The following CA6 variants were observed in gnomAD, a reference collection of about 807,000 sequenced individuals.
The protein encoded by CA6 is carbonate dehydratase VI.
CA6 carries 28 observed loss-of-function variants against 35.9 expected under a neutral mutation model. That is an observed-to-expected ratio of 0.78 (90% CI 0.58 to 1.07). The LOEUF is 1.07. Among genes scored for constraint, CA6 ranks in the 50% least tolerant of loss-of-function variants. The probability of loss-of-function intolerance (pLI) is 0.00; values close to 1 mark genes in which losing one functional copy is unlikely to be tolerated. For missense variants in CA6, 377 were observed against 382.0 expected, an observed-to-expected ratio of 0.99 and a Z score of 0.11; for synonymous variants, 148 against 152.6, an observed-to-expected ratio of 0.97 and a Z score of 0.22.
rs188245033 is a variant in CA6, at chr1:8,971,425, C to T, written c.844+444C>T. 6.9e-3 allele frequency among the ~76,000 whole-genome samples: 1,051 copies of T among 151,430 alleles called. 10 individuals are homozygous for T. The highest frequency in any genetic ancestry group is 0.025 in the African/African-American group (1,032 of 41,260). On this transcript the variant is annotated intron_variant, in intron 7 of 7. Transcript: ENST00000377443. The stretch of plus-strand genomic sequence containing the variant: ...TTCCCGGGTTCAAGCAATTCTCCTG[C>T]CTCAACCTCCCCAGTAGCTGGGACT...
At chr1:8,958,858 G>A (rs1295515814) in intron 3 of CA6, 52 bp from the exon 4 acceptor site, 12 of 962,594 alleles carry the variant, frequency 1.2e-5, no homozygotes, top group Non-Finnish European at 1.5e-5. Context: ...GAAATCTTAA[G>A]CATTTGAATT....
chr1:8,973,379 A>C (rs968145161), intron 7 of CA6, among the ~76,000 whole-genome samples: 1 of 152,126 alleles, frequency 6.6e-6, no homozygotes, highest in African/African-American at 2.4e-5. Flanking sequence ...ATTTTACGCT[A>C]TTCTTGCAAT....
At chr1:8,973,014 A>T (rs986542498) in intron 7 of CA6, among the ~76,000 whole-genome samples, 1 of 152,030 alleles carries the variant, frequency 6.6e-6, no homozygotes, top group Non-Finnish European at 1.5e-5. Context: ...GCTTAGACTC[A>T]TGGGTCTGTC....
chr1:8,956,876 G>A lies in CA6; in HGVS notation c.260-261G>A, dbSNP rs573552102. ...TGCCTCTGGCCTGTTGGTTCTGGGCGGGAAGGAGCGTGCTGGGGAGAGGCA... is the reference window on the plus strand; with the variant it reads ...TGCCTCTGGCCTGTTGGTTCTGGGCAGGAAGGAGCGTGCTGGGGAGAGGCA... On this transcript the variant is annotated intron_variant, in intron 2 of 7. Transcript: ENST00000377443. Among the ~76,000 whole-genome samples, 43 of 152,310 alleles carry A rather than the reference G, an allele frequency of 2.8e-4. No individual in the cohort carries two copies. The South Asian group carries it at 6.0e-3, about 21-fold the overall frequency.
At chr1:8,948,903 G>C (rs930756140) in intron 1 of CA6, among the ~76,000 whole-genome samples, 1 of 151,878 alleles carries the variant, frequency 6.6e-6, no homozygotes, top group African/African-American at 2.4e-5. Context: ...CTGGGAGGCA[G>C]AGGTTGCAGT....
chr1:8,973,706 C>CTTTCTTTCTT (rs759769182), intron 7 of CA6, among the ~76,000 whole-genome samples: 1 of 113,432 alleles, frequency 8.8e-6, no homozygotes, highest in African/African-American at 3.6e-5. Context: ...ATTTTTCTTT[C>CTTTCTTTCTT]TCTCTCTTTC....
intron 7 of CA6, among the ~76,000 whole-genome samples, chr1:8,973,345 A>G (rs4908800): frequency 0.39 from 59,708 of 151,888 alleles, 13,622 homozygotes; most frequent in East Asian, 0.66. Context: ...ATGTTGCCAT[A>G]TTTCCCCTGC....
intron 6 of CA6, among the ~76,000 whole-genome samples, chr1:8,968,270 CCTT>C (rs1640023536): frequency 6.6e-6 from 1 of 151,978 alleles, no homozygotes; most frequent in Admixed American, 6.6e-5. Flanking sequence ...CCGGCCATCT[CCTT>C]TTCTTAAACT....
At chr1:8,969,283 C>G (rs562268438) in intron 6 of CA6, among the ~76,000 whole-genome samples, 57 of 152,224 alleles carry the variant, frequency 3.7e-4, no homozygotes, top group African/African-American at 1.4e-3. Context: ...CCATTGCACT[C>G]CAGCCTGGGC....
intron 2 of CA6, among the ~76,000 whole-genome samples, chr1:8,950,485 G>A (rs1639501890): frequency 1.3e-5 from 2 of 151,976 alleles, no homozygotes; most frequent in African/African-American, 2.4e-5. Flanking sequence ...CAGTTGTCAG[G>A]TTTCTTGGCC....
intron 7 of CA6, 84 bp from the exon 8 acceptor site, chr1:8,974,538 T>C (rs1640216557): frequency 2.1e-6 from 3 of 1,415,236 alleles, no homozygotes; most frequent in Non-Finnish European, 2.9e-6. Context: ...ACGATGCGGG[T>C]ATGGTGTCTG....
intron 5 of CA6, among the ~76,000 whole-genome samples, chr1:8,967,390 C>T (rs1639996888): frequency 6.6e-6 from 1 of 152,160 alleles, no homozygotes; most frequent in African/African-American, 2.4e-5. Flanking sequence ...CTGATTATTC[C>T]CTTTCTACAG....
chr1:8,955,751 A>G (rs975821253), intron 2 of CA6, among the ~76,000 whole-genome samples: 1 of 146,864 alleles, frequency 6.8e-6, no homozygotes, highest in Admixed American at 6.8e-5. Context: ...CAGCCGGTGA[A>G]AACCTTTCAG....
chr1:8,960,743 AACAC>A (rs113532929), intron 4 of CA6, among the ~76,000 whole-genome samples: 5,024 of 108,984 alleles, frequency 0.046, 169 homozygotes, highest in East Asian at 0.16. Flanking sequence ...CAAGTATAGC[AACAC>A]ACACACACAC....
rs78912056 is a variant in CA6 at position 8,961,841 on chromosome 1, T to C, written c.502-746T>C. The stretch of plus-strand genomic sequence containing the variant: ...TTGGGGGAATTGTAGTCGTTCTGCC[T>C]TGGACATCTGGCTCTCTGTCGGAAG... On this transcript the variant is annotated intron_variant, in intron 4 of 7. Coordinates refer to ENST00000377443, the MANE Select transcript of CA6 (RefSeq NM_001215.4). Among the ~76,000 whole-genome samples the C allele has an allele frequency of 7.4e-3, 1,123 of 152,332 alleles. 11 individuals carry two copies. Among genetic ancestry groups the C allele is most frequent in the African/African-American group, 0.026 (1,098 of 41,570 alleles).
chr1:8,966,665 T>C (rs574632000), intron 5 of CA6, among the ~76,000 whole-genome samples: 1 of 152,304 alleles, frequency 6.6e-6, no homozygotes, highest in Non-Finnish European at 1.5e-5. Context: ...ATCAAAACTA[T>C]GTTCTCTGCC....
chr1:8,955,664 G>A (rs896206106), intron 2 of CA6, among the ~76,000 whole-genome samples: 6 of 100,758 alleles, frequency 6.0e-5, no homozygotes, highest in East Asian at 3.3e-4. Flanking sequence ...AGGCCCTTCC[G>A]TCCTTTTCTT....
intron 3 of CA6, among the ~76,000 whole-genome samples, chr1:8,957,873 G>A (rs959631919): frequency 6.6e-6 from 1 of 151,870 alleles, no homozygotes; most frequent in African/African-American, 2.4e-5. Flanking sequence ...TGGGAGGATC[G>A]CTTGAGGCCA....
chr1:8,972,216 T>G (rs113968902), intron 7 of CA6, among the ~76,000 whole-genome samples: 3,691 of 151,928 alleles, frequency 0.024, 172 homozygotes, highest in African/African-American at 0.085. Context: ...CCCAGCTAAT[T>G]TTTTTTGTAG....
Sources: allele counts gnomAD v4.1 joint callset (sites outside exome capture counted in the v4.1 genomes callset), GRCh38; gene constraint gnomAD v4.1.1; transcripts MANE v1.5; gene names NCBI Gene and HGNC (gene_info 2026-07-23, HGNC 2026-07-21).